Variants in NPS observed in about 807,000 individuals in gnomAD.
The protein encoded by NPS is prepro-neuropeptide S.
In NPS, 6 loss-of-function variants were observed where a neutral mutation model predicts 7.2. The observed-to-expected ratio is 0.83, with a 90% CI of 0.46 to 1.64. The LOEUF is 1.64. Among genes scored for constraint, NPS ranks in the 40% most tolerant of loss-of-function variants. The pLI is 0.01. For missense variants in NPS, 123 were observed against 97.8 expected, an observed-to-expected ratio of 1.26 and a Z score of -1.09; for synonymous variants, 42 against 36.7, an observed-to-expected ratio of 1.14 and a Z score of -0.52.
intron 2 of NPS, among the ~76,000 whole-genome samples, chr10:127,551,682 A>G (rs11018195): frequency 0.085 from 12,963 of 152,254 alleles, 949 homozygotes; most frequent in African/African-American, 0.19. Flanking sequence ...AATTTGTATT[A>G]GCATCTTATC....
At position 127,552,634 on chromosome 10, in the gene NPS, T is replaced by C; in HGVS notation, c.265T>C (p.Ser89Pro). ...MKKTSFQRAK[S>P] The stretch of plus-strand genomic sequence containing the variant: ...AAAAACTTCCTTTCAAAGAGCAAAA[T>C]CATGACTAAGTGTGCAAAGGACTCG... Residue 89 changes from serine to proline, a missense_variant, in exon 3 of 3, where the codon TCA becomes CCA. Transcript: ENST00000398023. The C allele has an allele frequency of 6.2e-7, 1 of 1,609,082 alleles. No individual in the cohort carries two copies. Among genetic ancestry groups the C allele is most frequent in the Non-Finnish European group, 8.5e-7 (1 of 1,175,604 alleles).
At position 127,552,314 on chromosome 10, in the gene NPS, G is replaced by T. The variant is rs1844865292; in HGVS notation, c.91-146G>T. Reference sequence around the variant, plus strand: ...TAATATTTTGTATCTAGATAAAGTAGATATTGTGTTTTAGCAAAACTTCTG... The same window carrying T: ...TAATATTTTGTATCTAGATAAAGTATATATTGTGTTTTAGCAAAACTTCTG... On this transcript the variant is annotated intron_variant, in intron 2 of 2. Transcript: ENST00000398023. 1.3e-5 allele frequency: 8 copies of T among 633,828 alleles called. No individual in the cohort carries two copies. The South Asian group carries it at 1.4e-4, about 11-fold the overall frequency. 39.3% of individuals were successfully genotyped at this position (633,828 alleles called of 1,614,324 possible).
rs140305455 is a variant in NPS at position 127,553,372 on chromosome 10, C to A, written c.*733C>A. On this transcript the variant is annotated 3_prime_UTR_variant, in exon 3 of 3. Coordinates refer to ENST00000398023, the MANE Select transcript of NPS (RefSeq NM_001030013.2). The stretch of plus-strand genomic sequence containing the variant: ...TGTTGTCAGGGCAGCCATTTGGAAA[C>A]CTGTTCCCCAAACTATGCTGATTAA... Among the ~76,000 whole-genome samples, 29 of 152,262 alleles carry A rather than the reference C, an allele frequency of 1.9e-4. No homozygotes were observed. Among genetic ancestry groups the A allele is most frequent in the African/African-American group, 6.5e-4 (27 of 41,558 alleles).
At chr10:127,551,253 G>C (rs2134877110) in intron 2 of NPS, among the ~76,000 whole-genome samples, 1 of 126,532 alleles carries the variant, frequency 7.9e-6, no homozygotes, top group South Asian at 2.5e-4. Flanking sequence ...ATGAAAAAGG[G>C]GGGAAAAAGC....
rs2134878250 is a variant in NPS, at chr10:127,552,484, C to A, written c.115C>A (p.Leu39Ile). ...SKVSGKSDYF[L>I]ILLNSCPTRL... The stretch of plus-strand genomic sequence containing the variant: ...GGTGTCTGGAAAATCTGATTACTTT[C>A]TCATTCTGCTGAACAGCTGCCCAAC... The change falls in exon 3 of 3, where the codon CTC (leucine) becomes ATC (isoleucine). Residue 39 changes from leucine (L) to isoleucine (I), a missense_variant. Coordinates refer to ENST00000398023, the MANE Select transcript of NPS (RefSeq NM_001030013.2). The A allele has an allele frequency of 7.5e-6, 12 of 1,610,050 alleles. No homozygotes were observed. The highest frequency in any genetic ancestry group is 1.0e-5 in the Non-Finnish European group (12 of 1,176,988).
Position 127,550,670 on chromosome 10 carries a change from A to G in NPS, c.90+1100A>G, listed in dbSNP as rs184548023. Among the ~76,000 whole-genome samples the G allele has an allele frequency of 2.1e-3, 321 of 152,364 alleles. 1 individual carries two copies. Among genetic ancestry groups the G allele is most frequent in the South Asian group, 7.0e-3 (34 of 4,832 alleles). On this transcript the variant is annotated intron_variant, in intron 2 of 2. Transcript: ENST00000398023. ...AAATACTTATGAGACTTCCTTGTCC[A>G]TAAATGAAATGTTTCTCCTTTCACT... is the stretch of plus-strand genomic sequence containing the variant.
chr10:127,551,335 C>A (rs186736444), intron 2 of NPS, among the ~76,000 whole-genome samples: 9 of 152,032 alleles, frequency 5.9e-5, no homozygotes, highest in Non-Finnish European at 1.2e-4. Flanking sequence ...AAACCACCCA[C>A]GCGTGGGTGA....
intron 1 of NPS, 30 bp downstream of exon 1, chr10:127,549,406 A>G: frequency 3.1e-6 from 5 of 1,604,332 alleles, no homozygotes; most frequent in Non-Finnish European, 4.3e-6. Flanking sequence ...TGCAAAGAAA[A>G]ATGTTGCATT....
rs1056290514 is a variant in NPS, at chr10:127,552,708, G to A, written c.*69G>A. On this transcript the variant is annotated 3_prime_UTR_variant, in exon 3 of 3. Coordinates refer to ENST00000398023, the MANE Select transcript of NPS (RefSeq NM_001030013.2). The stretch of plus-strand genomic sequence containing the variant: ...GTGACTGACGTACTCAAAGTCCATC[G>A]TCTCTTTATCATTGAGTGTTGGCAT... The A allele has an allele frequency of 2.0e-5, 20 of 1,016,120 alleles. No homozygotes were observed. The highest frequency in any genetic ancestry group is 2.1e-4 in the Middle Eastern group (1 of 4,810). 62.9% of individuals were successfully genotyped at this position (1,016,120 alleles called of 1,614,324 possible). A position where few individuals can be genotyped will look rare whatever the true frequency, so the allele number is the denominator to read the frequency against.
At chr10:127,550,930 C>T (rs72845551) in intron 2 of NPS, among the ~76,000 whole-genome samples, 13,420 of 152,230 alleles carry the variant, frequency 0.088, 765 homozygotes, top group Non-Finnish European at 0.14. Context: ...GGGCTGCCTT[C>T]GACGATCAGC....
chr10:127,551,491 A>G (rs566850494), intron 2 of NPS, among the ~76,000 whole-genome samples: 1 of 152,212 alleles, frequency 6.6e-6, no homozygotes, highest in East Asian at 1.9e-4. Context: ...TAATAAAAGC[A>G]CTCAGTTTCC....
intron 2 of NPS, among the ~76,000 whole-genome samples, chr10:127,550,174 C>G (rs1174900872): frequency 1.3e-5 from 2 of 151,978 alleles, no homozygotes; most frequent in Non-Finnish European, 1.5e-5. Context: ...TTTAAAATAT[C>G]TTTTGTCATT....
rs756115491 is a variant in NPS, at chr10:127,549,511, C to G, written c.31C>G (p.Leu11Val). 3.7e-6 allele frequency: 6 copies of G among 1,612,220 alleles called. No individual in the cohort carries two copies. The highest frequency in any genetic ancestry group is 5.1e-6 in the Non-Finnish European group (6 of 1,178,400). The change falls in exon 2 of 3, where the codon CTA becomes GTA. Residue 11 changes from leucine to valine, a missense_variant. By Grantham distance (32) the Leu-to-Val change is conservative. Transcript: ENST00000398023. ...CAGCTCAGTAAAACTCAATCTCATCCTAGTTCTGTCGCTGTCCACAATGCA... is the reference window on the plus strand; with the variant it reads ...CAGCTCAGTAAAACTCAATCTCATCGTAGTTCTGTCGCTGTCCACAATGCA... MISSVKLNLILVLSLSTMHVF... is the reference protein window; with the variant it reads MISSVKLNLIVVLSLSTMHVF...
At position 127,552,498 on chromosome 10, in the gene NPS, C is replaced by T; in HGVS notation, c.129C>T (p.Asn43=). Residue 43 remains asparagine, a synonymous_variant, in exon 3 of 3, where the codon AAC becomes AAT. Coordinates refer to ENST00000398023, the MANE Select transcript of NPS (RefSeq NM_001030013.2). ...CTGATTACTTTCTCATTCTGCTGAACAGCTGCCCAACCAGATTGGACAGGA... is the reference window on the plus strand; with the variant it reads ...CTGATTACTTTCTCATTCTGCTGAATAGCTGCCCAACCAGATTGGACAGGA... ...GKSDYFLILL[N]SCPTRLDRSK... is the part of the protein sequence containing the mutation. The T allele has an allele frequency of 1.2e-6, 2 of 1,612,180 alleles. No individual in the cohort carries two copies. Among genetic ancestry groups the T allele is most frequent in the Non-Finnish European group, 1.7e-6 (2 of 1,178,442 alleles).
Position 127,549,355 on chromosome 10 carries a change from T to G in NPS, c.-14T>G. The G allele has an allele frequency of 1.2e-6, 2 of 1,605,612 alleles. No individual in the cohort carries two copies. Among genetic ancestry groups the G allele is most frequent in the Non-Finnish European group, 1.7e-6 (2 of 1,173,632 alleles). ...ATAAAACCACCTATCTTTACAGATT[T>G]TGGGAAGTCCAAAATGATTAGGTAA... On this transcript the variant is annotated 5_prime_UTR_variant, in exon 1 of 3. Coordinates refer to ENST00000398023, the MANE Select transcript of NPS (RefSeq NM_001030013.2).
rs79863266 is a variant in NPS, at chr10:127,550,479, A to G, written c.90+909A>G. Among the ~76,000 whole-genome samples the G allele has an allele frequency of 1.2e-3, 181 of 152,258 alleles. 1 individual carries two copies. The East Asian group carries it at 0.021, about 18-fold the overall frequency. On this transcript the variant is annotated intron_variant, in intron 2 of 2. Transcript: ENST00000398023. ...AGTCATCAATTCTATAAGACACCACATTGATCAAGCTGATGAGTCACAATC... is the reference window on the plus strand; with the variant it reads ...AGTCATCAATTCTATAAGACACCACGTTGATCAAGCTGATGAGTCACAATC...
chr10:127,552,376 A>G, intron 2 of NPS, 84 bp from the exon 3 acceptor site: 2 of 778,750 alleles, frequency 2.6e-6, no homozygotes, highest in Admixed American at 4.8e-5. Context: ...TTATCGCCAT[A>G]CGATTTTGAA....
intron 2 of NPS, among the ~76,000 whole-genome samples, chr10:127,550,409 G>T (rs868044699): frequency 6.6e-6 from 1 of 151,956 alleles, no homozygotes; most frequent in Middle Eastern, 3.4e-3. Flanking sequence ...ATTTAATATA[G>T]CTTCTTTTTT....
Position 127,550,072 on chromosome 10 carries a change from A to G in NPS, c.90+502A>G, listed in dbSNP as rs1591156884. Among the ~76,000 whole-genome samples the G allele has an allele frequency of 9.2e-5, 14 of 152,338 alleles. No individual in the cohort carries two copies. The South Asian group carries it at 2.9e-3, about 32-fold the overall frequency. On this transcript the variant is annotated intron_variant, in intron 2 of 2. Coordinates refer to ENST00000398023, the MANE Select transcript of NPS (RefSeq NM_001030013.2). ...TCCTACGTTCATTGAACTGTTCAAG[A>G]CATTCAGAAAATAAATATCTTTCTT... is the stretch of plus-strand genomic sequence containing the variant.
Sources: gnomAD v4.1 joint callset for allele counts (sites outside exome capture counted in the v4.1 genomes callset) on GRCh38, gnomAD v4.1.1 for gene constraint, MANE v1.5 for transcripts, NCBI Gene and HGNC (gene_info 2026-07-23, HGNC 2026-07-21) for gene names.